TAS1R2: variants seen among roughly 807,000 people sequenced by gnomAD.
The protein encoded by TAS1R2 is taste 1 receptor member 2, also known as taste receptor type 1 member 2.
A neutral mutation model predicts 49.3 loss-of-function variants in TAS1R2; 47 were observed. That is an observed-to-expected ratio of 0.95 (90% CI 0.75 to 1.22). The LOEUF (loss-of-function observed/expected upper bound fraction) is 1.22. Among genes scored for constraint, TAS1R2 ranks in the 50% most tolerant of loss-of-function variants. TAS1R2 has a pLI of 0.00. For synonymous variants in TAS1R2, 479 were observed against 467.9 expected, an observed-to-expected ratio of 1.02 and a Z score of -0.31; for missense variants, 1,155 against 1,122.1, an observed-to-expected ratio of 1.03 and a Z score of -0.42.
At chr1:18,844,759 AAAGAAG>A (rs71027402) in intron 4 of TAS1R2, among the ~76,000 whole-genome samples, 22,307 of 149,764 alleles carry the variant, frequency 0.15, 1,971 homozygotes, top group East Asian at 0.44. Context: ...CTCAGAAAAA[AAAGAAG>A]AAGAAGAAGA....
chr1:18,854,781 C>T lies in TAS1R2; in HGVS notation c.689G>A (p.Arg230His), dbSNP rs1233828125. Residue 230 changes from arginine to histidine, a missense_variant, in exon 3 of 6, where the codon CGC becomes CAC. By Grantham distance (29) the Arg-to-His change is conservative. Transcript: ENST00000375371. The surrounding 1 kb of genome is among the most constrained non-coding windows in gnomAD (Gnocchi z 4.9). The stretch of plus-strand genomic sequence containing the variant: ...CTCCTGGAAGGCGATGCAGATGTCG[C>T]GCCGGGCCACGCGCTCGCCAAGCAG... 1.2e-5 allele frequency: 19 copies of T among 1,605,466 alleles called. No individual in the cohort carries two copies. Among genetic ancestry groups the T allele is most frequent in the Middle Eastern group, 1.6e-4 (1 of 6,080 alleles).
intron 4 of TAS1R2, among the ~76,000 whole-genome samples, chr1:18,842,080 C>T (rs544349470): frequency 6.6e-6 from 1 of 152,302 alleles, no homozygotes; most frequent in East Asian, 1.9e-4. Flanking sequence ...TAACAAATGC[C>T]TTTCCTCAAG....
At chr1:18,856,630 C>T (rs1451059419) in intron 2 of TAS1R2, among the ~76,000 whole-genome samples, 1 of 152,204 alleles carries the variant, frequency 6.6e-6, no homozygotes, top group African/African-American at 2.4e-5. Flanking sequence ...ATATCTGTTA[C>T]ATGAATGAAA....
At chr1:18,857,623 A>C in exon 2 of TAS1R2, 6 of 1,611,690 alleles carry the variant, frequency 3.7e-6, no homozygotes, top group Non-Finnish European at 5.1e-6. Context: ...TATCACCTTC[A>C]CTTCATACCT....
Position 18,854,755 on chromosome 1 carries a change from T to A in TAS1R2, c.715A>T (p.Thr239Ser), listed in dbSNP as rs545218721. 3 of 1,610,734 alleles carry A rather than the reference T, an allele frequency of 1.9e-6. No homozygotes were observed. The highest frequency in any genetic ancestry group is 3.3e-5 in the Admixed American group (2 of 59,896). The change falls in exon 3 of 6, where the codon ACG becomes TCG. Residue 239 changes from threonine to serine, a missense_variant. Coordinates refer to ENST00000375371, the Ensembl canonical transcript of TAS1R2. This position sits in a 1 kb window ranked among gnomAD's most constrained non-coding sequence, Gnocchi z 4.9. ...TGGTTGGGCTGCAGTGTGGGCAGCG[T>A]CTCCTGGAAGGCGATGCAGATGTCG...
Position 18,846,008 on chromosome 1 carries a change from CTG to C in TAS1R2, c.1467+3331_1467+3332del, listed in dbSNP as rs567836826. Among the ~76,000 whole-genome samples, 853 of 152,348 alleles carry C rather than the reference CTG, an allele frequency of 5.6e-3. 9 individuals carry two copies. Among genetic ancestry groups the C allele is most frequent in the African/African-American group, 0.019 (807 of 41,584 alleles). On this transcript the variant is annotated intron_variant, in intron 4 of 5. Coordinates refer to ENST00000375371, the Ensembl canonical transcript of TAS1R2. Reference sequence around the variant, plus strand: ...TGAGCTGGCGGCTGCTCTAAAAAGTCTGTGACTCCTCAGGCTCAAGGAAAGCC... The same window carrying C: ...TGAGCTGGCGGCTGCTCTAAAAAGTCTGACTCCTCAGGCTCAAGGAAAGCC...
chr1:18,854,975 G>T lies in TAS1R2; in HGVS notation c.495C>A (p.Ser165Arg), dbSNP rs759207242. The change falls in exon 3 of 6, where the codon AGC (serine) becomes AGA (arginine). Residue 165 changes from serine (S) to arginine (R), a missense_variant. Physicochemically the swap from Ser to Arg is moderately radical, Grantham distance 110. Transcript: ENST00000375371. The surrounding 1 kb of genome is among the most constrained non-coding windows in gnomAD (Gnocchi z 4.9). ...TGTCTCGCAGCTCATCGCTGATGGC[G>T]CTGTAGGTGATCTGCAAGGGGAAGG... 1.2e-6 allele frequency: 2 copies of T among 1,603,722 alleles called. No homozygotes were observed. The highest frequency in any genetic ancestry group is 1.3e-5 in the African/African-American group (1 of 74,834).
chr1:18,846,497 T>G (rs61761366), intron 4 of TAS1R2, among the ~76,000 whole-genome samples: 18,159 of 152,222 alleles, frequency 0.12, 1,300 homozygotes, highest in Middle Eastern at 0.2. Flanking sequence ...ACATAAACCC[T>G]TGTCTCAGGC....
At chr1:18,846,812 T>G (rs747509690) in intron 4 of TAS1R2, among the ~76,000 whole-genome samples, 6 of 152,298 alleles carry the variant, frequency 3.9e-5, no homozygotes, top group Non-Finnish European at 7.4e-5. Flanking sequence ...CATGTCCAGT[T>G]GTAGTCCCCA....
At chr1:18,857,520 G>A (rs748413366) in exon 2 of TAS1R2, 13 of 1,614,184 alleles carry the variant, frequency 8.1e-6, no homozygotes, top group South Asian at 2.2e-5. Context: ...ACACATCCAC[G>A]ATCTCATAGC....
intron 1 of TAS1R2, among the ~76,000 whole-genome samples, chr1:18,858,851 C>T (rs1934188108): frequency 6.6e-6 from 1 of 152,174 alleles, no homozygotes. Context: ...TCATCTTTTG[C>T]ACTGTTCTTC....
rs200812417 is a variant in TAS1R2 at position 18,840,329 on chromosome 1, C to T, written c.1790G>A (p.Arg597His). ...GAAGCACATGGGGCCCCCAGCCGAG[C>T]GAACTATGGGTGTCTGGAAGTGCCT... Residue 597 changes from arginine to histidine, a missense_variant, in exon 6 of 6, where the codon CGC (arginine) becomes CAC (histidine). Arg to His is a conservative substitution (Grantham distance 29). Transcript: ENST00000375371. 2.1e-4 allele frequency: 346 copies of T among 1,614,044 alleles called. 3 individuals are homozygous for T. In the East Asian group the frequency reaches 6.2e-3, roughly 29 times the overall value.
In TAS1R2 at chr1:18,848,652, T is replaced by TGAGCTCC; in HGVS notation, c.1467+682_1467+688dup. Reference sequence around the variant, plus strand: ...TGCTCCCCATCACTTGATTACCACCTGAGCTCCACCTCCTGTCAGATCAAC... The same window carrying TGAGCTCC: ...TGCTCCCCATCACTTGATTACCACCTGAGCTCCGAGCTCCACCTCCTGTCAGATCAAC... On this transcript the variant is annotated intron_variant, in intron 4 of 5. Transcript: ENST00000375371. Among the ~76,000 whole-genome samples the TGAGCTCC allele has an allele frequency of 2.6e-5, 4 of 152,282 alleles. 1 individual carries two copies. The South Asian group carries it at 8.3e-4, about 32-fold the overall frequency.
intron 5 of TAS1R2, among the ~76,000 whole-genome samples, chr1:18,841,317 G>A (rs986617096): frequency 5.3e-5 from 8 of 152,220 alleles, no homozygotes; most frequent in Admixed American, 5.2e-4. Context: ...AGGCACTTGG[G>A]AGGCCAGAGG....
exon 2 of TAS1R2, chr1:18,857,419 A>G: frequency 6.2e-7 from 1 of 1,614,198 alleles, no homozygotes. Flanking sequence ...CACACGGGAA[A>G]TGTAGTTACT....
rs558329725 is a variant in TAS1R2 at position 18,852,972 on chromosome 1, A to G, written c.1257+1241T>C. ...AAAGGGATGGGACATCCTGGTTGCT[A>G]TGATTGGTGCCCTTTGGTCTCCGCT... On this transcript the variant is annotated intron_variant, in intron 3 of 5. Transcript: ENST00000375371. Among the ~76,000 whole-genome samples the G allele has an allele frequency of 7.5e-4, 114 of 152,348 alleles. 1 individual carries two copies. Among genetic ancestry groups the G allele is most frequent in the African/African-American group, 2.6e-3 (109 of 41,588 alleles).
intron 1 of TAS1R2, among the ~76,000 whole-genome samples, chr1:18,859,131 T>A (rs183741935): frequency 1.1e-3 from 168 of 152,280 alleles, no homozygotes; most frequent in African/African-American, 4.0e-3. Context: ...GGCTTTGACA[T>A]GGACCCATTG....
intron 3 of TAS1R2, among the ~76,000 whole-genome samples, chr1:18,851,366 C>T (rs547424247): frequency 7.8e-4 from 119 of 152,040 alleles, no homozygotes; most frequent in Non-Finnish European, 1.4e-3. Context: ...CTCACTCTGT[C>T]GCCCAGGCTG....
At chr1:18,843,912 TA>T (rs1408632051) in intron 4 of TAS1R2, among the ~76,000 whole-genome samples, 2 of 152,218 alleles carry the variant, frequency 1.3e-5, no homozygotes, top group African/African-American at 4.8e-5. Flanking sequence ...TGGGTCCAAG[TA>T]AATTTCTTAA....
Sources: gnomAD v4.1 joint callset for allele counts (sites outside exome capture counted in the v4.1 genomes callset) on GRCh38, gnomAD v4.1.1 for gene constraint, Gnocchi (gnomAD v3.1) non-coding constraint, MANE v1.5 for transcripts, NCBI Gene and HGNC (gene_info 2026-07-23, HGNC 2026-07-21) for gene names.